Variants in SHQ1 observed in about 807,000 individuals in gnomAD.
The protein encoded by SHQ1 is SHQ1, H/ACA ribonucleoprotein assembly factor.
A neutral mutation model predicts 53.8 loss-of-function variants in SHQ1; 49 were observed. The ratio of observed to expected loss-of-function variants is 0.91; its 90% CI spans 0.72 to 1.16. The LOEUF is 1.16. Among genes scored for constraint, SHQ1 ranks in the 50% most tolerant of loss-of-function variants. The pLI is 0.00. For missense variants in SHQ1, 738 were observed against 683.1 expected, an observed-to-expected ratio of 1.08 and a Z score of -0.90; for synonymous variants, 243 against 251.0, an observed-to-expected ratio of 0.97 and a Z score of 0.30.
chr3:72,841,279 C>T (rs2106957884), intron 3 of SHQ1, 80 bp from the exon 4 acceptor site: 3 of 1,140,008 alleles, frequency 2.6e-6, no homozygotes, highest in Non-Finnish European at 3.7e-6. Flanking sequence ...GGAAAAAATG[C>T]CCACAAAGAT....
At chr3:72,778,245 G>C (rs1705997503) in intron 10 of SHQ1, among the ~76,000 whole-genome samples, 1 of 152,038 alleles carries the variant, frequency 6.6e-6, no homozygotes, top group Admixed American at 6.6e-5. Context: ...AGGATCATTT[G>C]AGCCCAGTTG....
chr3:72,745,769 C>T (rs1487544172), downstream of SHQ1, among the ~76,000 whole-genome samples: 6 of 152,140 alleles, frequency 3.9e-5, no homozygotes, highest in Admixed American at 6.5e-5. Flanking sequence ...GGAAGGCCAG[C>T]AATAAAAGCA....
the SHQ1 span, among the ~76,000 whole-genome samples, chr3:72,740,729 G>A: frequency 1.3e-5 from 2 of 152,146 alleles, no homozygotes; most frequent in Non-Finnish European, 2.9e-5. Context: ...GGAGCAGTGT[G>A]TGAATGTTCA....
chr3:72,732,139 G>A, the SHQ1 span, among the ~76,000 whole-genome samples: 51 of 151,560 alleles, frequency 3.4e-4, 2 homozygotes, highest in South Asian at 7.7e-3. Flanking sequence ...AAAATCTCCC[G>A]GGCTCACTGC....
At position 72,809,445 on chromosome 3, in the gene SHQ1, G is replaced by GA. The variant is rs1465877176; in HGVS notation, c.1060+3225dup. ...GATATATATTCCATCCAAGAAGAAGGAAAAAAAAAGAACCCACAGAATGAG... is the reference window on the plus strand; with the variant it reads ...GATATATATTCCATCCAAGAAGAAGGAAAAAAAAAAGAACCCACAGAATGAG... On this transcript the variant is annotated intron_variant, in intron 9 of 10. Transcript: ENST00000325599. Among the ~76,000 whole-genome samples the GA allele has an allele frequency of 1.3e-5, 2 of 149,414 alleles. 1 individual carries two copies. Among genetic ancestry groups the GA allele is most frequent in the South Asian group, 4.2e-4 (2 of 4,714 alleles).
intron 7 of SHQ1, among the ~76,000 whole-genome samples, chr3:72,815,917 A>AT (rs1300746331): frequency 6.6e-6 from 1 of 152,230 alleles, no homozygotes; most frequent in Non-Finnish European, 1.5e-5. Context: ...AAATACAAGA[A>AT]TAAAAAATGG....
intron 10 of SHQ1, among the ~76,000 whole-genome samples, chr3:72,777,049 T>C (rs1450834076): frequency 6.6e-6 from 1 of 152,174 alleles, no homozygotes; most frequent in Non-Finnish European, 1.5e-5. Context: ...ATACAAAAAA[T>C]CTATTCCAGG....
intron 10 of SHQ1, among the ~76,000 whole-genome samples, chr3:72,765,109 G>GC (rs1381969790): frequency 6.6e-6 from 1 of 152,106 alleles, no homozygotes; most frequent in Non-Finnish European, 1.5e-5. Flanking sequence ...TCTTTCCTTA[G>GC]CCCCCCTTCT....
At chr3:72,781,997 A>C (rs1333533077) in intron 10 of SHQ1, among the ~76,000 whole-genome samples, 4 of 152,214 alleles carry the variant, frequency 2.6e-5, no homozygotes, top group African/African-American at 9.6e-5. Context: ...TTAGAGAATA[A>C]ATAAATACTC....
chr3:72,750,519 C>T lies in SHQ1; in HGVS notation c.1499G>A (p.Ser500Asn), dbSNP rs1705342952. The T allele has an allele frequency of 6.2e-7, 1 of 1,614,124 alleles. No individual in the cohort carries two copies. Among genetic ancestry groups the T allele is most frequent in the Non-Finnish European group, 8.5e-7 (1 of 1,179,942 alleles). ...TCCACCATCAACAATAAGAAAGGCA[C>T]TGCTTTCTTCAAGAAAGGGACCTTG... ...SLQGPFLEESSAFLIVDGGVR... is the reference protein window; with the variant it reads ...SLQGPFLEESNAFLIVDGGVR... Residue 500 changes from serine (S) to asparagine (N), a missense_variant, in exon 11 of 11, where the codon AGT becomes AAT. Physicochemically the swap from Ser to Asn is conservative, Grantham distance 46. Coordinates refer to ENST00000325599, the MANE Select transcript of SHQ1 (RefSeq NM_018130.3).
chr3:72,778,733 A>G (rs975916519), intron 10 of SHQ1, among the ~76,000 whole-genome samples: 4 of 152,254 alleles, frequency 2.6e-5, no homozygotes, highest in Admixed American at 1.3e-4. Flanking sequence ...AGAGGCAAAT[A>G]AAGAAAACTG....
intron 4 of SHQ1, 41 bp from the exon 5 acceptor site, chr3:72,832,522 A>G (rs1249706028): frequency 4.3e-6 from 6 of 1,410,518 alleles, no homozygotes; most frequent in East Asian, 2.3e-5. Flanking sequence ...GCTATCTCCT[A>G]TTTTTAGCAT....
At position 72,750,546 on chromosome 3, in the gene SHQ1, A is replaced by G; in HGVS notation, c.1472T>C (p.Leu491Ser). Reference protein sequence around the residue: ...KDSPSETVSSLQGPFLEESSA... With the variant: ...KDSPSETVSSSQGPFLEESSA... ...GCTTTCTTCAAGAAAGGGACCTTGC[A>G]AAGAACTGACTGTCTCAGATGGACT... The change falls in exon 11 of 11, where the codon TTG (leucine) becomes TCG (serine). Residue 491 changes from leucine (L) to serine (S), a missense_variant. Physicochemically the swap from Leu to Ser is moderately radical, Grantham distance 145 (BLOSUM62 -2). Transcript: ENST00000325599. 1.2e-6 allele frequency: 2 copies of G among 1,614,232 alleles called. No homozygotes were observed. The highest frequency in any genetic ancestry group is 1.7e-6 in the Non-Finnish European group (2 of 1,180,038).
the SHQ1 span, among the ~76,000 whole-genome samples, chr3:72,741,680 G>A: frequency 4.6e-5 from 7 of 151,924 alleles, no homozygotes; most frequent in South Asian, 1.0e-3. Flanking sequence ...TCATGCAGTC[G>A]CTCAACAAAT....
chr3:72,769,105 C>A (rs769636491), intron 10 of SHQ1, among the ~76,000 whole-genome samples: 5 of 152,182 alleles, frequency 3.3e-5, no homozygotes, highest in Non-Finnish European at 7.3e-5. Flanking sequence ...CAAACTGCTG[C>A]CCCTAGAAGC....
intron 6 of SHQ1, among the ~76,000 whole-genome samples, chr3:72,822,955 C>T (rs1389298049): frequency 6.6e-6 from 1 of 152,058 alleles, no homozygotes; most frequent in African/African-American, 2.4e-5. Context: ...CGAGACCATC[C>T]TGGCTAACAG....
chr3:72,758,283 A>G (rs748328751), intron 10 of SHQ1, among the ~76,000 whole-genome samples: 1 of 152,234 alleles, frequency 6.6e-6, no homozygotes, highest in Non-Finnish European at 1.5e-5. Context: ...AGAACAAGAA[A>G]CGACTAACTT....
At chr3:72,779,915 C>A (rs1575687140) in intron 10 of SHQ1, among the ~76,000 whole-genome samples, 1 of 152,064 alleles carries the variant, frequency 6.6e-6, no homozygotes, top group African/African-American at 2.4e-5. Flanking sequence ...TCACACAAAC[C>A]TGGAGCAAGG....
downstream of SHQ1, among the ~76,000 whole-genome samples, chr3:72,746,781 C>A (rs1243775044): frequency 6.6e-6 from 1 of 152,148 alleles, no homozygotes; most frequent in African/African-American, 2.4e-5. Context: ...ACTTCCATGG[C>A]GTTAAATTTT....
Sources: allele counts gnomAD v4.1 joint callset (sites outside exome capture counted in the v4.1 genomes callset), GRCh38; gene constraint gnomAD v4.1.1; transcripts MANE v1.5; gene names NCBI Gene and HGNC (gene_info 2026-07-23, HGNC 2026-07-21).